IQCM: variants seen among roughly 807,000 people sequenced by gnomAD.
The protein encoded by IQCM is IQ motif containing M, also known as IQ domain-containing protein M.
A neutral mutation model predicts 57.6 loss-of-function variants in IQCM; 45 were observed. The observed-to-expected ratio is 0.78, with a 90% CI of 0.62 to 1.00. IQCM has a LOEUF of 1.00. Ranked by LOEUF, IQCM falls within the 50% of genes least tolerant of loss-of-function variation. The pLI, the probability that IQCM is intolerant of heterozygous loss-of-function variation, is 0.00. For synonymous variants in IQCM, 148 were observed against 158.9 expected (o/e 0.93, Z 0.51); for missense variants, 468 against 511.6 (o/e 0.91, Z 0.82).
chr4:149,624,143 C>T (rs978456516), intron 7 of IQCM, among the ~76,000 whole-genome samples: 4 of 146,928 alleles, frequency 2.7e-5, no homozygotes, highest in Non-Finnish European at 6.1e-5. Context: ...AATGATGTGC[C>T]CCAAGTGTGT....
intron 7 of IQCM, among the ~76,000 whole-genome samples, chr4:149,631,234 G>A (rs149693584): frequency 7.9e-5 from 12 of 152,168 alleles, no homozygotes; most frequent in East Asian, 3.9e-4. Flanking sequence ...GAGAACTATC[G>A]GACTCTTGCT....
intron 8 of IQCM, among the ~76,000 whole-genome samples, chr4:149,615,654 G>A (rs540821910): frequency 3.9e-5 from 6 of 152,278 alleles, no homozygotes; most frequent in African/African-American, 1.4e-4. Flanking sequence ...GCTTAAAAAG[G>A]ATAGTGTTCT....
intron 8 of IQCM, among the ~76,000 whole-genome samples, chr4:149,592,455 A>G (rs1471283673): frequency 2.0e-5 from 3 of 151,780 alleles, no homozygotes; most frequent in African/African-American, 7.3e-5. Context: ...GAAGCTCTTT[A>G]GTTTAATTAG....
intron 12 of IQCM, among the ~76,000 whole-genome samples, chr4:149,501,077 T>C (rs1743194507): frequency 6.6e-6 from 1 of 152,196 alleles, no homozygotes; most frequent in South Asian, 2.1e-4. Flanking sequence ...GCTTTTTCCC[T>C]TCCATATTTT....
At chr4:149,505,567 C>G (rs943855087) in intron 12 of IQCM, among the ~76,000 whole-genome samples, 4 of 152,086 alleles carry the variant, frequency 2.6e-5, no homozygotes. Flanking sequence ...CATAAAGAAG[C>G]AAGTATAAAT....
At chr4:149,507,611 C>A (rs1187372962) in intron 12 of IQCM, among the ~76,000 whole-genome samples, 1 of 152,086 alleles carries the variant, frequency 6.6e-6, no homozygotes, top group East Asian at 1.9e-4. Context: ...GCAGAAATTT[C>A]TAAGCAGCAA....
rs141508289 is a variant in IQCM at position 149,737,033 on chromosome 4, C to T, written c.38-1575G>A. Among the ~76,000 whole-genome samples, 136 of 152,190 alleles carry T rather than the reference C, an allele frequency of 8.9e-4. 1 individual carries two copies. In the East Asian group the frequency reaches 0.021, roughly 24 times the overall value. On this transcript the variant is annotated intron_variant, in intron 3 of 13. Coordinates refer to ENST00000636793, the MANE Select transcript of IQCM (RefSeq NM_001363507.2). The stretch of plus-strand genomic sequence containing the variant: ...AGAGGTACTGACATGTACACCACTA[C>T]GGATAAATTTCAAAAATATTATGCC...
intron 12 of IQCM, among the ~76,000 whole-genome samples, chr4:149,465,358 A>C (rs1220586781): frequency 1.3e-5 from 2 of 152,182 alleles, no homozygotes; most frequent in Non-Finnish European, 2.9e-5. Context: ...GCCACTAGAC[A>C]GTGTTTCTCA....
intron 2 of IQCM, among the ~76,000 whole-genome samples, chr4:149,778,749 A>G (rs1185107961): frequency 6.6e-6 from 1 of 152,168 alleles, no homozygotes; most frequent in Non-Finnish European, 1.5e-5. Context: ...AACAAATGAA[A>G]TAGACAAATT....
intron 12 of IQCM, among the ~76,000 whole-genome samples, chr4:149,496,859 T>G (rs1742710959): frequency 6.6e-6 from 1 of 152,154 alleles, no homozygotes. Flanking sequence ...ATCAAATACT[T>G]AAGCCATGAG....
chr4:149,597,135 G>A (rs528842314), intron 8 of IQCM, among the ~76,000 whole-genome samples: 4 of 151,796 alleles, frequency 2.6e-5, no homozygotes, highest in East Asian at 3.9e-4. Context: ...AGTAACAATC[G>A]ACATTATAAA....
chr4:149,382,611 A>G (rs1578866978), intron 13 of IQCM, among the ~76,000 whole-genome samples: 2 of 152,204 alleles, frequency 1.3e-5, no homozygotes, highest in East Asian at 3.9e-4. Flanking sequence ...GAACTTAGAT[A>G]AAAAGCTCAT....
intron 12 of IQCM, among the ~76,000 whole-genome samples, chr4:149,548,075 A>G (rs1748638990): frequency 6.6e-6 from 1 of 152,164 alleles, no homozygotes; most frequent in South Asian, 2.1e-4. Context: ...GTTCTCCAAT[A>G]CCAAATCTAA....
chr4:149,528,402 G>T (rs1306889580), intron 12 of IQCM, among the ~76,000 whole-genome samples: 1 of 144,622 alleles, frequency 6.9e-6, no homozygotes, highest in Non-Finnish European at 1.6e-5. Flanking sequence ...TTGAGTTAAG[G>T]CATTAAAATA....
intron 7 of IQCM, among the ~76,000 whole-genome samples, chr4:149,652,437 A>G (rs1201665596): frequency 6.6e-6 from 1 of 152,148 alleles, no homozygotes; most frequent in Non-Finnish European, 1.5e-5. Context: ...CATTCAGCAC[A>G]TGTATCCCAG....
At chr4:149,606,524 A>G (rs1376025863) in intron 8 of IQCM, among the ~76,000 whole-genome samples, 4 of 152,184 alleles carry the variant, frequency 2.6e-5, no homozygotes, top group African/African-American at 7.2e-5. Context: ...ACAAGCATCA[A>G]GAACATCCAG....
At chr4:149,501,435 G>A (rs1347448609) in intron 12 of IQCM, among the ~76,000 whole-genome samples, 1 of 152,096 alleles carries the variant, frequency 6.6e-6, no homozygotes, top group African/African-American at 2.4e-5. Context: ...AGAAACTCCT[G>A]TTAGAAATTG....
intron 6 of IQCM, among the ~76,000 whole-genome samples, chr4:149,682,882 G>T (rs942866090): frequency 1.3e-5 from 2 of 150,944 alleles, no homozygotes; most frequent in Non-Finnish European, 3.0e-5. Flanking sequence ...AAATGGGTGG[G>T]GTCAGGACTC....
At chr4:149,487,073 C>T (rs536935445) in intron 12 of IQCM, among the ~76,000 whole-genome samples, 2 of 152,236 alleles carry the variant, frequency 1.3e-5, no homozygotes, top group African/African-American at 4.8e-5. Context: ...GTCTCAGAGT[C>T]CAAGGCTCAC....
Sources: gnomAD v4.1 joint callset for allele counts (sites outside exome capture counted in the v4.1 genomes callset) on GRCh38, gnomAD v4.1.1 for gene constraint, MANE v1.5 for transcripts, NCBI Gene and HGNC (gene_info 2026-07-23, HGNC 2026-07-21) for gene names.